RSRP1: variants seen among roughly 807,000 people sequenced by gnomAD.
The protein encoded by RSRP1 is arginine and serine rich protein 1.
In RSRP1, 37 loss-of-function variants were observed where a neutral mutation model predicts 33.0. The ratio of observed to expected loss-of-function variants is 1.12; its 90% CI spans 0.86 to 1.48. The LOEUF (loss-of-function observed/expected upper bound fraction) is 1.48. Among genes scored for constraint, RSRP1 ranks in the 40% most tolerant of loss-of-function variants. The probability of loss-of-function intolerance (pLI) is 0.00; values close to 1 mark genes in which losing one functional copy is unlikely to be tolerated. For missense variants in RSRP1, 402 were observed against 385.3 expected (o/e 1.04, Z -0.36); for synonymous variants, 167 against 158.7 (o/e 1.05, Z -0.40).
chr1:25,253,981 G>A (rs879915651), intron 1 of RSRP1: 3 of 152,240 alleles, frequency 2.0e-5, no homozygotes, highest in African/African-American at 4.8e-5. Context: ...TGACACAGAT[G>A]ATACATTTGT....
At chr1:25,264,305 C>T (rs1209649750) in intron 1 of RSRP1, among the ~76,000 whole-genome samples, 1 of 152,022 alleles carries the variant, frequency 6.6e-6, no homozygotes, top group East Asian at 1.9e-4. Flanking sequence ...GCTCCTGCAG[C>T]AAACTTCTGA....
At position 25,334,351 on chromosome 1, in the gene RSRP1, G is replaced by A. The variant is rs534843678; in HGVS notation, c.-67+3627C>T. On this transcript the variant is annotated intron_variant, in intron 1 of 1. Coordinates refer to the RSRP1 transcript ENST00000561867. ...TCACATCCAGGTCACGCAGATGGAA[G>A]GGGTGGGTTCCCATGGTCTTGGGCA... Among the ~76,000 whole-genome samples the A allele has an allele frequency of 9.8e-5, 13 of 132,738 alleles. 1 individual carries two copies. In the South Asian group the frequency reaches 3.0e-3, roughly 31 times the overall value. 87.1% of individuals were successfully genotyped at this position (132,738 alleles called of 152,430 possible). A position where few individuals can be genotyped will look rare whatever the true frequency, so the allele number is the denominator to read the frequency against.
At position 25,322,865 on chromosome 1, in the gene RSRP1, G is replaced by A. The variant is rs1285356936; in HGVS notation, c.-67+15113C>T. Among the ~76,000 whole-genome samples the A allele has an allele frequency of 2.0e-4, 26 of 127,066 alleles. 4 individuals carry two copies. The highest frequency in any genetic ancestry group is 1.7e-3 in the Admixed American group (22 of 12,928). The allele number at this position is 127,066 out of a possible 152,430, so 83.4% of individuals were successfully genotyped here. On this transcript the variant is annotated intron_variant, in intron 1 of 1. Coordinates refer to the RSRP1 transcript ENST00000561867. ...TATACCTTGGTTTAGAAAGGGGAGC[G>A]GGAATTGAGCTGAAGCAATCTTACA... is the stretch of plus-strand genomic sequence containing the variant.
At chr1:25,320,738 CAG>C (rs1228348956) in intron 1 of RSRP1, among the ~76,000 whole-genome samples, 5 of 131,958 alleles carry the variant, frequency 3.8e-5, no homozygotes, top group African/African-American at 1.3e-4. Context: ...GCTATCTGGG[CAG>C]AGAGTAGACA....
intron 1 of RSRP1, among the ~76,000 whole-genome samples, chr1:25,305,909 T>C (rs1643788427): frequency 1.5e-5 from 2 of 131,814 alleles, no homozygotes; most frequent in African/African-American, 2.6e-5. Flanking sequence ...ACCTGGATTT[T>C]TATTCTGAAG....
rs535847125 is a variant in RSRP1 at position 25,318,994 on chromosome 1, G to A, written c.-67+18984C>T. 1.1e-4 allele frequency among the ~76,000 whole-genome samples: 15 copies of A among 133,074 alleles called. 4 individuals are homozygous for A. The South Asian group carries it at 2.1e-3, about 18-fold the overall frequency. 87.3% of individuals were successfully genotyped at this position (133,074 alleles called of 152,430 possible). A position where few individuals can be genotyped will look rare whatever the true frequency, so the allele number is the denominator to read the frequency against. On this transcript the variant is annotated intron_variant, in intron 1 of 1. Coordinates refer to the RSRP1 transcript ENST00000561867. ...AGTAGCGTTAATTCCGTAAGTTAACGTTCAGTTCGTGGCAGCTGGCAATCC... is the reference window on the plus strand; with the variant it reads ...AGTAGCGTTAATTCCGTAAGTTAACATTCAGTTCGTGGCAGCTGGCAATCC...
At chr1:25,268,730 T>C (rs1157041626) in intron 1 of RSRP1, among the ~76,000 whole-genome samples, 1 of 127,374 alleles carries the variant, frequency 7.9e-6, no homozygotes, top group Non-Finnish European at 1.9e-5. Flanking sequence ...GGTGGATCAC[T>C]TGAGGTCAGG....
intron 1 of RSRP1, among the ~76,000 whole-genome samples, chr1:25,254,298 G>A (rs1191263646): frequency 1.3e-5 from 2 of 152,158 alleles, no homozygotes; most frequent in Non-Finnish European, 2.9e-5. Context: ...CTATACAGGA[G>A]GCACCCTTGA....
intron 1 of RSRP1, among the ~76,000 whole-genome samples, chr1:25,301,925 G>A (rs1316241186): frequency 1.5e-5 from 2 of 130,982 alleles, no homozygotes; most frequent in Non-Finnish European, 3.6e-5. Flanking sequence ...ATCCATCCAT[G>A]CTAACATGAA....
chr1:25,249,946 CGA>C (rs1249363371), upstream of RSRP1, among the ~76,000 whole-genome samples: 1 of 152,082 alleles, frequency 6.6e-6, no homozygotes, highest in Non-Finnish European at 1.5e-5. Flanking sequence ...TGTAACCAAG[CGA>C]GATAGAGAAA....
intron 1 of RSRP1, among the ~76,000 whole-genome samples, chr1:25,309,840 C>T (rs1291022326): frequency 3.0e-5 from 4 of 132,852 alleles, no homozygotes; most frequent in South Asian, 2.3e-4. Flanking sequence ...CCAGGGGAGA[C>T]CCTGTGCAGG....
chr1:25,308,695 A>G (rs1643977989), intron 1 of RSRP1, among the ~76,000 whole-genome samples: 1 of 129,144 alleles, frequency 7.7e-6, no homozygotes, highest in East Asian at 2.0e-4. Context: ...CTGCAAGTCA[A>G]CTCTCATCAG....
chr1:25,276,692 C>T (rs1191593862), intron 1 of RSRP1, among the ~76,000 whole-genome samples: 6 of 130,188 alleles, frequency 4.6e-5, no homozygotes, highest in African/African-American at 1.6e-4. Flanking sequence ...CCAGCATGGG[C>T]GACAGAGCAA....
At chr1:25,269,153 C>G (rs1640418425) in intron 1 of RSRP1, among the ~76,000 whole-genome samples, 1 of 132,230 alleles carries the variant, frequency 7.6e-6, no homozygotes, top group African/African-American at 2.6e-5. Flanking sequence ...AACATCATAG[C>G]TTAGTCTCAC....
chr1:25,296,019 C>T (rs557669853), intron 1 of RSRP1, among the ~76,000 whole-genome samples: 1 of 117,910 alleles, frequency 8.5e-6, no homozygotes, highest in Non-Finnish European at 2.0e-5. Context: ...CACACCACCA[C>T]GCCTGGCTTA....
At chr1:25,268,049 C>G (rs2124569461) in intron 1 of RSRP1, 1 of 133,690 alleles carries the variant, frequency 7.5e-6, no homozygotes, top group Non-Finnish European at 1.8e-5. Flanking sequence ...ATAACATATG[C>G]AAAATGATTG....
intron 4 of RSRP1, 46 bp from the exon 5 acceptor site, chr1:25,242,751 A>G (rs1246341297): frequency 7.9e-7 from 1 of 1,270,858 alleles, no homozygotes; most frequent in African/African-American, 1.5e-5. Context: ...TACATTGTAC[A>G]CTTTTTTCAC....
rs531187971 is a variant in RSRP1, at chr1:25,277,965, C to T, written c.-66-30936G>A. 3.1e-3 allele frequency among the ~76,000 whole-genome samples: 415 copies of T among 133,088 alleles called. 89 individuals carry two copies. The highest frequency in any genetic ancestry group is 6.0e-3 in the South Asian group (26 of 4,324). 87.3% of individuals were successfully genotyped at this position (133,088 alleles called of 152,430 possible). The stretch of plus-strand genomic sequence containing the variant: ...CTGGGATTACAGGCGTGAGCCACCG[C>T]GCCTGGCCCAAAAGCTTTAATTTCT... On this transcript the variant is annotated intron_variant, in intron 1 of 1. Transcript: ENST00000561867.
At chr1:25,259,196 C>T (rs1212771088) in intron 1 of RSRP1, among the ~76,000 whole-genome samples, 1 of 151,844 alleles carries the variant, frequency 6.6e-6, no homozygotes, top group Admixed American at 6.6e-5. Flanking sequence ...TGGGTTCAAG[C>T]GAATCTCCTG....
Sources: gnomAD v4.1 joint callset for allele counts (sites outside exome capture counted in the v4.1 genomes callset) on GRCh38, gnomAD v4.1.1 for gene constraint, MANE v1.5 for transcripts, NCBI Gene and HGNC (gene_info 2026-07-23, HGNC 2026-07-21) for gene names.